Variants in STARD13 observed in about 807,000 individuals in gnomAD.
STARD13 encodes the protein StAR related lipid transfer domain containing 13, also known as stAR-related lipid transfer protein 13.
STARD13 carries 62 observed loss-of-function variants against 106.4 expected under a neutral mutation model. That is an observed-to-expected ratio of 0.58 (90% CI 0.48 to 0.72). The LOEUF is 0.72. Among genes scored for constraint, STARD13 ranks in the 30% least tolerant of loss-of-function variants. The probability of loss-of-function intolerance (pLI) is 0.00; values close to 1 mark genes in which losing one functional copy is unlikely to be tolerated. For synonymous variants in STARD13, 565 were observed against 553.0 expected, an observed-to-expected ratio of 1.02 and a Z score of -0.31; for missense variants, 1,387 against 1,424.0, an observed-to-expected ratio of 0.97 and a Z score of 0.42.
intron 10 of STARD13, among the ~76,000 whole-genome samples, chr13:33,111,311 CT>C (rs1874530472): frequency 6.6e-6 from 1 of 152,168 alleles, no homozygotes; most frequent in South Asian, 2.1e-4. Flanking sequence ...TTTTAGCACA[CT>C]TTTCCCATTG....
chr13:33,662,645 T>C, the STARD13 span, among the ~76,000 whole-genome samples: 35 of 152,164 alleles, frequency 2.3e-4, no homozygotes, highest in African/African-American at 7.7e-4. Flanking sequence ...CCTCCCCCTC[T>C]TTATCAGACT....
At chr13:33,633,311 G>A in the STARD13 span, among the ~76,000 whole-genome samples, 1 of 152,108 alleles carries the variant, frequency 6.6e-6, no homozygotes, top group Non-Finnish European at 1.5e-5. Flanking sequence ...GAATGCTAGA[G>A]CCTCATATTA....
At chr13:33,535,002 G>A in the STARD13 span, among the ~76,000 whole-genome samples, 1 of 152,074 alleles carries the variant, frequency 6.6e-6, no homozygotes, top group East Asian at 1.9e-4. Flanking sequence ...GATCACCTGA[G>A]GTCAGGAGTT....
At chr13:33,440,734 A>T in the STARD13 span, among the ~76,000 whole-genome samples, 19 of 126,942 alleles carry the variant, frequency 1.5e-4, no homozygotes, top group Non-Finnish European at 4.9e-5. Flanking sequence ...TCTCCAACTT[A>T]GGTCTCTTTC....
intron 1 of STARD13, among the ~76,000 whole-genome samples, chr13:33,254,784 G>A (rs1444561883): frequency 6.6e-6 from 1 of 152,140 alleles, no homozygotes; most frequent in Non-Finnish European, 1.5e-5. Context: ...GCTGCTGGAC[G>A]GCCAGGCTTC....
chr13:33,634,917 T>A, the STARD13 span, among the ~76,000 whole-genome samples: 184 of 152,172 alleles, frequency 1.2e-3, 1 homozygote, highest in African/African-American at 4.3e-3. Flanking sequence ...CCCCAGAATG[T>A]CCCCTGCAGA....
At chr13:33,248,504 C>T (rs556335193) in intron 1 of STARD13, among the ~76,000 whole-genome samples, 2 of 152,302 alleles carry the variant, frequency 1.3e-5, no homozygotes, top group Non-Finnish European at 2.9e-5. Context: ...GTGTTACCTA[C>T]CAGTTGGGGT....
intron 1 of STARD13, among the ~76,000 whole-genome samples, chr13:33,215,128 G>GC (rs1158576424): frequency 7.4e-4 from 87 of 116,968 alleles, no homozygotes; most frequent in African/African-American, 2.9e-3. Context: ...TTGGGGGGGG[G>GC]GGTGGGGGGA....
At chr13:33,367,758 C>T in the STARD13 span, among the ~76,000 whole-genome samples, 1 of 151,582 alleles carries the variant, frequency 6.6e-6, no homozygotes, top group African/African-American at 2.4e-5. Context: ...CAATTAGAGG[C>T]AATTTTGGGG....
the STARD13 span, among the ~76,000 whole-genome samples, chr13:33,663,438 C>T: frequency 0.011 from 1,627 of 151,748 alleles, 25 homozygotes; most frequent in African/African-American, 0.036. Context: ...TCATTTTGTA[C>T]GTGAAAAAAG....
At chr13:33,643,509 A>T in the STARD13 span, among the ~76,000 whole-genome samples, 1 of 152,112 alleles carries the variant, frequency 6.6e-6, no homozygotes, top group Non-Finnish European at 1.5e-5. Context: ...AGTCAACCAG[A>T]CTCTATCTTG....
At chr13:33,461,759 C>A in the STARD13 span, among the ~76,000 whole-genome samples, 2 of 151,946 alleles carry the variant, frequency 1.3e-5, no homozygotes, top group Non-Finnish European at 2.9e-5. Flanking sequence ...TTCTTTGTTT[C>A]TGATTGTCAT....
chr13:33,201,076 TA>T (rs1052955254), intron 1 of STARD13, among the ~76,000 whole-genome samples: 204 of 140,396 alleles, frequency 1.5e-3, no homozygotes, highest in African/African-American at 5.0e-3. Context: ...AAAATAAAAA[TA>T]AAAAAATAAA....
rs185849971 is a variant in STARD13 at position 33,219,068 on chromosome 13, T to C, written c.170-51446A>G. Among the ~76,000 whole-genome samples, 4 of 152,258 alleles carry C rather than the reference T, an allele frequency of 2.6e-5. No homozygotes were observed. The East Asian group carries it at 7.7e-4, about 29-fold the overall frequency. ...ATAACAATCGTGTTTACTATATCTA[T>C]TGTGAAATACAATTACAGGGTACTA... On this transcript the variant is annotated intron_variant, in intron 1 of 13. Transcript: ENST00000336934.
chr13:33,349,138 C>T (rs1566153406), exon 2 of STARD13: 2 of 702,358 alleles, frequency 2.8e-6, no homozygotes, highest in Non-Finnish European at 5.2e-6. Flanking sequence ...TCCTTTCCTT[C>T]TTTCTAGGCA....
At chr13:33,533,434 T>C in the STARD13 span, among the ~76,000 whole-genome samples, 1 of 152,192 alleles carries the variant, frequency 6.6e-6, no homozygotes, top group Non-Finnish European at 1.5e-5. Flanking sequence ...TGCCAAAAGG[T>C]AACCAGAGGA....
At chr13:33,301,702 G>A (rs917927825) in intron 1 of STARD13, among the ~76,000 whole-genome samples, 1 of 151,618 alleles carries the variant, frequency 6.6e-6, no homozygotes, top group African/African-American at 2.4e-5. Flanking sequence ...TGAGTAGCTG[G>A]GACTACCGGC....
the STARD13 span, among the ~76,000 whole-genome samples, chr13:33,554,377 G>T: frequency 6.6e-6 from 1 of 152,110 alleles, no homozygotes; most frequent in African/African-American, 2.4e-5. Flanking sequence ...TCGCATAGAG[G>T]GCTTGTGACT....
chr13:33,641,804 G>C, the STARD13 span, among the ~76,000 whole-genome samples: 6 of 152,122 alleles, frequency 3.9e-5, no homozygotes, highest in African/African-American at 1.4e-4. Context: ...CGAGCAGCTG[G>C]ATCGTGTAAC....
Sources: gnomAD v4.1 joint callset for allele counts (sites outside exome capture counted in the v4.1 genomes callset) on GRCh38, gnomAD v4.1.1 for gene constraint, MANE v1.5 for transcripts, NCBI Gene and HGNC (gene_info 2026-07-23, HGNC 2026-07-21) for gene names.